TTC39B: variants seen among roughly 807,000 people sequenced by gnomAD.
The protein encoded by TTC39B is tetratricopeptide repeat protein 39B.
TTC39B carries 92 observed loss-of-function variants against 96.6 expected under a neutral mutation model. The observed-to-expected ratio is 0.95, with a 90% CI of 0.80 to 1.13. TTC39B has a LOEUF of 1.13. Among genes scored for constraint, TTC39B ranks in the 50% most tolerant of loss-of-function variants. TTC39B has a pLI of 0.00. For synonymous variants in TTC39B, 367 were observed against 299.4 expected (o/e 1.23, Z -2.33); for missense variants, 955 against 809.3 (o/e 1.18, Z -2.18).
In TTC39B at chr9:15,237,311, T is replaced by C. The variant is rs1198782180; in HGVS notation, c.276-11299A>G. 3.3e-5 allele frequency among the ~76,000 whole-genome samples: 5 copies of C among 151,916 alleles called. 1 individual carries two copies. Among genetic ancestry groups the C allele is most frequent in the African/African-American group, 9.7e-5 (4 of 41,346 alleles). On this transcript the variant is annotated intron_variant, in intron 2 of 19. Coordinates refer to ENST00000512701, the Ensembl canonical transcript of TTC39B. ...GCCTGAGCAACAAAGCAAGACTCCA[T>C]CTCAAAAAAGAAAAGAATAAATGAA...
chr9:15,210,656 C>G (rs955164958), intron 5 of TTC39B, among the ~76,000 whole-genome samples: 6 of 152,198 alleles, frequency 3.9e-5, no homozygotes, highest in Non-Finnish European at 8.8e-5. Flanking sequence ...GTCATTTCCT[C>G]CCATCCATCT....
chr9:15,221,945 G>A (rs529917804), intron 3 of TTC39B, among the ~76,000 whole-genome samples: 23 of 152,264 alleles, frequency 1.5e-4, no homozygotes, highest in Non-Finnish European at 2.9e-4. Context: ...ATTTTGAAAT[G>A]GCTTCTTGGC....
chr9:15,237,546 T>A (rs1001209627), intron 2 of TTC39B, among the ~76,000 whole-genome samples: 22 of 151,616 alleles, frequency 1.5e-4, no homozygotes, highest in African/African-American at 5.3e-4. Flanking sequence ...AATGGATAAA[T>A]TCCTGAAAAC....
intron 1 of TTC39B, among the ~76,000 whole-genome samples, chr9:15,289,014 C>G (rs755527301): frequency 6.6e-6 from 1 of 152,236 alleles, no homozygotes; most frequent in Non-Finnish European, 1.5e-5. Context: ...CTTAATTACA[C>G]GCTTTTAAAG....
At position 15,177,906 on chromosome 9, in the gene TTC39B, C is replaced by A. The variant is rs1199891700; in HGVS notation, c.1724-92G>T. ...TTTTTTTGAGACGGACTCTCGCTCT[C>A]TCACCCAGGCTGGAGTGCAGTGGCG... is the stretch of plus-strand genomic sequence containing the variant. On this transcript the variant is annotated intron_variant, in intron 17 of 19. Transcript: ENST00000512701. The A allele has an allele frequency of 1.6e-5, 12 of 765,104 alleles. No homozygotes were observed. The East Asian group carries it at 4.0e-4, about 26-fold the overall frequency. 47.4% of individuals were successfully genotyped at this position (765,104 alleles called of 1,614,324 possible).
Position 15,306,817 on chromosome 9 carries a change from G to C in TTC39B, c.240+267C>G, listed in dbSNP as rs1402249109. On this transcript the variant is annotated intron_variant, in intron 1 of 19. Coordinates refer to ENST00000512701, the Ensembl canonical transcript of TTC39B. This position sits in a 1 kb window ranked among gnomAD's most constrained non-coding sequence, Gnocchi z 5.1. Reference sequence around the variant, plus strand: ...CCTCACGCCCATCCAAGTGCTGGCAGGACGTGGGTCCTCCATCCCCACGAC... The same window carrying C: ...CCTCACGCCCATCCAAGTGCTGGCACGACGTGGGTCCTCCATCCCCACGAC... Among the ~76,000 whole-genome samples the C allele has an allele frequency of 6.6e-6, 1 of 152,166 alleles. No homozygotes were observed. Among genetic ancestry groups the C allele is most frequent in the Non-Finnish European group, 1.5e-5 (1 of 68,018 alleles).
chr9:15,172,684 C>T (rs929320878), intron 19 of TTC39B, among the ~76,000 whole-genome samples: 1 of 152,112 alleles, frequency 6.6e-6, no homozygotes, highest in African/African-American at 2.4e-5. Context: ...TATTTAAAAC[C>T]TGCCTAAGAG....
intron 17 of TTC39B, among the ~76,000 whole-genome samples, chr9:15,178,596 G>C (rs1033160277): frequency 6.6e-6 from 1 of 152,156 alleles, no homozygotes; most frequent in African/African-American, 2.4e-5. Flanking sequence ...CATTCCTACA[G>C]TGCTGAATTT....
At chr9:15,201,910 T>C (rs920643707) in intron 7 of TTC39B, among the ~76,000 whole-genome samples, 4 of 152,204 alleles carry the variant, frequency 2.6e-5, no homozygotes, top group Non-Finnish European at 4.4e-5. Context: ...CAGAGACTCA[T>C]TTTTAAGAGG....
intron 15 of TTC39B, 186 bp downstream of exon 15, chr9:15,186,758 T>G (rs1818547524): frequency 3.6e-6 from 2 of 555,668 alleles, no homozygotes; most frequent in Non-Finnish European, 6.5e-6. Flanking sequence ...GCAATGGCAT[T>G]ATTTCAGCTC....
exon 20 of TTC39B, chr9:15,165,034 T>C (rs7026350): frequency 0.71 from 107,858 of 152,172 alleles, 39,161 homozygotes; most frequent in East Asian, 0.96. Flanking sequence ...TAAATCACTT[T>C]GGGGAAAAAA....
chr9:15,256,201 C>A (rs957454020), intron 2 of TTC39B, among the ~76,000 whole-genome samples: 7 of 151,798 alleles, frequency 4.6e-5, no homozygotes, highest in Non-Finnish European at 7.4e-5. Context: ...TTTCTTTCCC[C>A]TCTTTCCACT....
At chr9:15,229,269 G>C (rs776814876) in intron 2 of TTC39B, among the ~76,000 whole-genome samples, 1 of 152,136 alleles carries the variant, frequency 6.6e-6, no homozygotes, top group Non-Finnish European at 1.5e-5. Flanking sequence ...TCATCTACTT[G>C]TTATAAGAGC....
intron 2 of TTC39B, among the ~76,000 whole-genome samples, chr9:15,247,957 C>T (rs1051445219): frequency 5.3e-5 from 8 of 152,140 alleles, no homozygotes; most frequent in African/African-American, 1.9e-4. Flanking sequence ...GATGGAGTTA[C>T]AATCAGGATT....
intron 6 of TTC39B, among the ~76,000 whole-genome samples, chr9:15,209,807 T>C (rs1163891024): frequency 6.6e-6 from 1 of 152,096 alleles, no homozygotes; most frequent in African/African-American, 2.4e-5. Flanking sequence ...ATTCACATTG[T>C]AGGACAACAC....
intron 8 of TTC39B, among the ~76,000 whole-genome samples, chr9:15,193,171 T>C (rs560015252): frequency 6.6e-6 from 1 of 152,334 alleles, no homozygotes; most frequent in African/African-American, 2.4e-5. Flanking sequence ...CAGGACAGAC[T>C]GAAACAAGAA....
At chr9:15,167,013 TATATA>T (rs1817538058) in exon 20 of TTC39B, 2 of 8,276 alleles carry the variant, frequency 2.4e-4, no homozygotes, top group Non-Finnish European at 4.5e-4. Context: ...TATATATATA[TATATA>T]TATATATATA....
At chr9:15,239,441 T>C (rs1161265817) in intron 2 of TTC39B, among the ~76,000 whole-genome samples, 3 of 152,122 alleles carry the variant, frequency 2.0e-5, no homozygotes, top group African/African-American at 7.2e-5. Context: ...AAAGAAATCA[T>C]TATATAAAAA....
chr9:15,265,937 C>T (rs1823114592), intron 2 of TTC39B, among the ~76,000 whole-genome samples: 1 of 152,192 alleles, frequency 6.6e-6, no homozygotes, highest in South Asian at 2.1e-4. Context: ...GTCTGAGAGA[C>T]TGTCACAGCC....
Sources: allele counts gnomAD v4.1 joint callset (sites outside exome capture counted in the v4.1 genomes callset), GRCh38; gene constraint gnomAD v4.1.1; non-coding constraint Gnocchi (gnomAD v3.1); transcripts MANE v1.5; gene names NCBI Gene and HGNC (gene_info 2026-07-23, HGNC 2026-07-21).